TMTC2: variants seen among roughly 807,000 people sequenced by gnomAD.
TMTC2 encodes the protein protein O-mannosyl-transferase TMTC2.
A neutral mutation model predicts 82.4 loss-of-function variants in TMTC2; 43 were observed. That is an observed-to-expected ratio of 0.52 (90% confidence interval 0.41 to 0.67). The LOEUF (loss-of-function observed/expected upper bound fraction) is 0.67, where lower values mean the gene tolerates loss of function less well. Ranked by LOEUF, TMTC2 falls within the 30% of genes least tolerant of loss-of-function variation. The pLI is 0.00. For synonymous variants in TMTC2, 408 were observed against 381.9 expected (o/e 1.07, Z -0.80); for missense variants, 919 against 1,012.4 (o/e 0.91, Z 1.25).
At chr12:82,865,353 T>C (rs1871792191) in intron 2 of TMTC2, among the ~76,000 whole-genome samples, 1 of 151,938 alleles carries the variant, frequency 6.6e-6, no homozygotes, top group Non-Finnish European at 1.5e-5. Flanking sequence ...ATGACAGGGG[T>C]TGCAATCCTA....
At chr12:82,922,966 C>T (rs1592630125) in intron 3 of TMTC2, among the ~76,000 whole-genome samples, 4 of 152,236 alleles carry the variant, frequency 2.6e-5, no homozygotes. Flanking sequence ...TTTAAACATT[C>T]TCTTACGTGC....
At chr12:82,746,154 T>G (rs963166656) in intron 1 of TMTC2, among the ~76,000 whole-genome samples, 1 of 152,228 alleles carries the variant, frequency 6.6e-6, no homozygotes, top group Non-Finnish European at 1.5e-5. Flanking sequence ...TTCATAGCTG[T>G]TACTGGACAC....
chr12:82,878,211 A>G (rs1313473790), intron 2 of TMTC2, among the ~76,000 whole-genome samples: 3 of 152,236 alleles, frequency 2.0e-5, no homozygotes, highest in Non-Finnish European at 4.4e-5. Flanking sequence ...TGAACAAAAC[A>G]TAGATAAATC....
chr12:83,032,668 A>G (rs576943392), intron 9 of TMTC2, among the ~76,000 whole-genome samples: 1 of 152,064 alleles, frequency 6.6e-6, no homozygotes, highest in South Asian at 2.1e-4. Flanking sequence ...CCTCAGCCTC[A>G]CAAATAGCTG....
At chr12:82,965,150 C>T (rs748068610) in intron 5 of TMTC2, 41 bp downstream of exon 5, 86 of 1,455,436 alleles carry the variant, frequency 5.9e-5, no homozygotes, top group Non-Finnish European at 7.3e-5. Context: ...TACCTCTTTC[C>T]ATATTTGAAA....
intron 1 of TMTC2, among the ~76,000 whole-genome samples, chr12:82,769,811 A>G (rs963874260): frequency 1.3e-5 from 2 of 151,964 alleles, no homozygotes. Context: ...GAGTTTCGCC[A>G]TGTTTGCCAG....
rs1384210854 is a variant in TMTC2 at position 83,134,053 on chromosome 12, A to G, written c.*1664A>G. 3.3e-5 allele frequency: 5 copies of G among 152,582 alleles called. No homozygotes were observed. Among genetic ancestry groups the G allele is most frequent in the Admixed American group, 2.6e-4 (4 of 15,260 alleles). 9.5% of individuals were successfully genotyped at this position (152,582 alleles called of 1,614,324 possible). On this transcript the variant is annotated 3_prime_UTR_variant, in exon 12 of 12. Coordinates refer to ENST00000321196, the MANE Select transcript of TMTC2 (RefSeq NM_152588.3). ...ATAAATAATTGAAAGTAGTGTTCCT[A>G]TGGCATTAGTGTTTTTGTGAGAAGG...
chr12:83,023,331 G>A (rs1881022530), intron 8 of TMTC2, among the ~76,000 whole-genome samples: 1 of 152,168 alleles, frequency 6.6e-6, no homozygotes, highest in African/African-American at 2.4e-5. Flanking sequence ...CTATTCCTAT[G>A]TGCCCTTTGC....
chr12:82,922,748 A>T (rs949285960), intron 3 of TMTC2, among the ~76,000 whole-genome samples: 10 of 152,290 alleles, frequency 6.6e-5, no homozygotes, highest in African/African-American at 2.4e-4. Flanking sequence ...GCATGAATCA[A>T]TTTTTAATAT....
At chr12:82,804,730 C>G (rs1360609815) in intron 1 of TMTC2, among the ~76,000 whole-genome samples, 1 of 151,984 alleles carries the variant, frequency 6.6e-6, no homozygotes, top group Non-Finnish European at 1.5e-5. Flanking sequence ...GGCTTTGTTG[C>G]CCAGAAATTT....
At chr12:83,127,299 C>G (rs1205834682) in intron 11 of TMTC2, among the ~76,000 whole-genome samples, 1 of 152,094 alleles carries the variant, frequency 6.6e-6, no homozygotes, top group African/African-American at 2.4e-5. Context: ...ATTTTAGCAA[C>G]ATGAATAAAT....
At chr12:82,718,953 T>TA (rs570340683) in intron 1 of TMTC2, among the ~76,000 whole-genome samples, 146 of 151,170 alleles carry the variant, frequency 9.7e-4, no homozygotes, top group African/African-American at 3.5e-3. Flanking sequence ...AGTTTAATCC[T>TA]ATTGATTATA....
At chr12:83,071,101 G>T (rs1273385511) in intron 11 of TMTC2, among the ~76,000 whole-genome samples, 2 of 150,022 alleles carry the variant, frequency 1.3e-5, no homozygotes, top group Non-Finnish European at 3.0e-5. Context: ...CTAGTATTTT[G>T]TTAAAGATTT....
chr12:82,910,098 A>C (rs1874552475), intron 3 of TMTC2, among the ~76,000 whole-genome samples: 1 of 152,188 alleles, frequency 6.6e-6, no homozygotes, highest in African/African-American at 2.4e-5. Context: ...TAGCCTTATC[A>C]CGCACTGGTG....
intron 1 of TMTC2, among the ~76,000 whole-genome samples, chr12:82,775,453 G>T (rs750594006): frequency 2.0e-5 from 3 of 151,772 alleles, no homozygotes; most frequent in African/African-American, 7.3e-5. Context: ...CTGTCTCCAG[G>T]GGGGCGGGCG....
intron 1 of TMTC2, among the ~76,000 whole-genome samples, chr12:82,824,778 A>G (rs1298040190): frequency 6.6e-6 from 1 of 152,212 alleles, no homozygotes; most frequent in Non-Finnish European, 1.5e-5. Context: ...GAGTATTTTC[A>G]GGAAAATCAT....
At chr12:82,719,694 T>A (rs1262593804) in intron 1 of TMTC2, among the ~76,000 whole-genome samples, 2 of 137,138 alleles carry the variant, frequency 1.5e-5, no homozygotes, top group Non-Finnish European at 1.5e-5. Context: ...TTTTTCGTAA[T>A]GTCATAGTGT....
At chr12:82,711,330 A>G (rs1179840016) in intron 1 of TMTC2, among the ~76,000 whole-genome samples, 1 of 152,176 alleles carries the variant, frequency 6.6e-6, no homozygotes, top group African/African-American at 2.4e-5. Flanking sequence ...GGTTTTGGTA[A>G]ATAATTATAT....
At chr12:82,883,309 A>T (rs1341540991) in intron 2 of TMTC2, among the ~76,000 whole-genome samples, 9 of 152,208 alleles carry the variant, frequency 5.9e-5, no homozygotes, top group African/African-American at 1.9e-4. Flanking sequence ...GTATATTTCC[A>T]TATAACAACA....
Sources: allele counts gnomAD v4.1 joint callset (sites outside exome capture counted in the v4.1 genomes callset), GRCh38; gene constraint gnomAD v4.1.1; transcripts MANE v1.5; gene names NCBI Gene and HGNC (gene_info 2026-07-23, HGNC 2026-07-21).